Variants in PPP6C observed in about 807,000 individuals in gnomAD.
PPP6C encodes protein phosphatase 6 catalytic subunit.
Under a neutral mutation model 39.8 loss-of-function variants are expected in PPP6C, and 11 were observed. The ratio of observed to expected loss-of-function variants is 0.28; its 90% CI spans 0.17 to 0.46. PPP6C has a LOEUF of 0.46. Ranked by LOEUF, PPP6C falls within the 20% of genes least tolerant of loss-of-function variation. PPP6C has a pLI of 1.00. For synonymous variants in PPP6C, 129 were observed against 130.3 expected (o/e 0.99, Z 0.07); for missense variants, 211 against 373.9 (o/e 0.56, Z 3.59).
intron 1 of PPP6C, among the ~76,000 whole-genome samples, chr9:125,188,060 C>G (rs909136318): frequency 2.0e-5 from 3 of 150,976 alleles, no homozygotes; most frequent in African/African-American, 7.3e-5. Flanking sequence ...AGAAATAAAA[C>G]AAAACCCACA....
In PPP6C at chr9:125,187,863, C is replaced by T. The variant is rs147312556; in HGVS notation, c.75+1781G>A. On this transcript the variant is annotated intron_variant, in intron 1 of 6. Transcript: ENST00000373547. ...AGCACAAATGCTACATTACTACTAA[C>T]GAAGGCTGTCCTTATTTGAAATTAT... 6.8e-4 allele frequency among the ~76,000 whole-genome samples: 104 copies of T among 152,054 alleles called. 2 individuals are homozygous for T. Among genetic ancestry groups the T allele is most frequent in the African/African-American group, 2.3e-3 (95 of 41,336 alleles).
At chr9:125,166,891 TCA>T (rs1829026330) in intron 2 of PPP6C, among the ~76,000 whole-genome samples, 2 of 151,906 alleles carry the variant, frequency 1.3e-5, no homozygotes, top group Non-Finnish European at 2.9e-5. Context: ...TCCCATTTCA[TCA>T]CACAGACTTT....
Position 125,147,691 on chromosome 9 carries a change from AAAC to A in PPP6C, c.*1979_*1981del, listed in dbSNP as rs1835843552. The A allele has an allele frequency of 1.3e-5, 2 of 152,180 alleles. No homozygotes were observed. Among genetic ancestry groups the A allele is most frequent in the Non-Finnish European group, 2.9e-5 (2 of 68,012 alleles). The allele number at this position is 152,180 out of a possible 1,614,324, so 9.4% of individuals were successfully genotyped here. On this transcript the variant is annotated 3_prime_UTR_variant, in exon 7 of 7. Transcript: ENST00000373547. ...AAAAGTCACATTATAGGGATAACAA[AAAC>A]AACTACATCAATCTAAGCTAAGGAG...
Position 125,182,643 on chromosome 9 carries a change from T to C in PPP6C, c.75+7001A>G, listed in dbSNP as rs78283666. Among the ~76,000 whole-genome samples, 9 of 151,696 alleles carry C rather than the reference T, an allele frequency of 5.9e-5. No homozygotes were observed. The East Asian group carries it at 1.7e-3, about 29-fold the overall frequency. On this transcript the variant is annotated intron_variant, in intron 1 of 6. Transcript: ENST00000373547. The stretch of plus-strand genomic sequence containing the variant: ...TATGATCCAGAAGGTAGTATCTGTA[T>C]CCTCAGGCCAGATCAGAGTTTCTCA...
Position 125,153,514 on chromosome 9 carries a change from C to A in PPP6C, c.669+19G>T. ...CATTAGCAATCCACAAATTACATTTCCAAAAATGTTGGCTTTACCTCATTT... is the reference window on the plus strand; with the variant it reads ...CATTAGCAATCCACAAATTACATTTACAAAAATGTTGGCTTTACCTCATTT... On this transcript the variant is annotated intron_variant, in intron 6 of 6. Transcript: ENST00000373547. 6.2e-7 allele frequency: 1 copy of A among 1,609,688 alleles called. No homozygotes were observed. The highest frequency in any genetic ancestry group is 1.1e-5 in the South Asian group (1 of 90,666).
intron 2 of PPP6C, among the ~76,000 whole-genome samples, chr9:125,161,990 T>C (rs906670354): frequency 2.6e-5 from 4 of 152,040 alleles, no homozygotes; most frequent in African/African-American, 9.7e-5. Flanking sequence ...TTAATAGGAA[T>C]GTTAGTCAAA....
intron 2 of PPP6C, among the ~76,000 whole-genome samples, chr9:125,166,535 C>CTTTTT (rs1169190980): frequency 7.4e-6 from 1 of 134,468 alleles, no homozygotes; most frequent in African/African-American, 2.8e-5. Flanking sequence ...TTTTCTTTTT[C>CTTTTT]TTTTTTTTTT....
chr9:125,154,098 G>A, intron 4 of PPP6C, 113 bp from the exon 5 acceptor site: 1 of 790,828 alleles, frequency 1.3e-6, no homozygotes, highest in Non-Finnish European at 2.0e-6. Flanking sequence ...AACTAGGATA[G>A]CAAGATATGA....
chr9:125,186,323 G>A (rs1829529210), intron 1 of PPP6C, among the ~76,000 whole-genome samples: 1 of 151,972 alleles, frequency 6.6e-6, no homozygotes, highest in Admixed American at 6.6e-5. Flanking sequence ...ATACACCAGA[G>A]ATGAGCAACA....
At chr9:125,160,741 G>C (rs1324567329) in intron 3 of PPP6C, 100 bp downstream of exon 3, 2 of 817,052 alleles carry the variant, frequency 2.4e-6, no homozygotes, top group East Asian at 2.9e-5. Flanking sequence ...TACTGAAATA[G>C]GGACTGTCAC....
At chr9:125,173,429 A>G (rs1829219116) in intron 1 of PPP6C, among the ~76,000 whole-genome samples, 2 of 136,448 alleles carry the variant, frequency 1.5e-5, no homozygotes, top group South Asian at 4.8e-4. Context: ...AAAAAAAAAA[A>G]GTAGCCAGGC....
At chr9:125,182,297 T>C (rs923250192) in intron 1 of PPP6C, among the ~76,000 whole-genome samples, 5 of 152,150 alleles carry the variant, frequency 3.3e-5, no homozygotes, top group Admixed American at 2.0e-4. Context: ...TACTACTTCC[T>C]TTATCTACTT....
intron 6 of PPP6C, 69 bp downstream of exon 6, chr9:125,153,464 G>T: frequency 7.0e-7 from 1 of 1,435,134 alleles, no homozygotes. Flanking sequence ...TGTTATCTAG[G>T]GCCACCATAG....
chr9:125,180,995 A>G (rs946900738), intron 1 of PPP6C, among the ~76,000 whole-genome samples: 3 of 152,126 alleles, frequency 2.0e-5, no homozygotes, highest in Non-Finnish European at 4.4e-5. Context: ...GCTGCGTCCT[A>G]CGACTGCCAC....
intron 2 of PPP6C, among the ~76,000 whole-genome samples, chr9:125,164,962 C>A (rs1189379347): frequency 6.6e-6 from 1 of 152,104 alleles, no homozygotes; most frequent in East Asian, 1.9e-4. Context: ...TGGTCTTGAT[C>A]TCTTGACCTC....
chr9:125,158,220 C>T (rs1836128478), intron 4 of PPP6C, 21 bp downstream of exon 4: 2 of 1,577,900 alleles, frequency 1.3e-6, no homozygotes, highest in African/African-American at 1.4e-5. Flanking sequence ...TATTCAGAAT[C>T]AGAGAAATAG....
intron 4 of PPP6C, among the ~76,000 whole-genome samples, chr9:125,154,594 T>A (rs1407690125): frequency 6.6e-6 from 1 of 152,262 alleles, no homozygotes; most frequent in African/African-American, 2.4e-5. Context: ...AGTTAAATAC[T>A]AATTTCACAC....
intron 4 of PPP6C, among the ~76,000 whole-genome samples, chr9:125,156,565 C>T (rs1409595384): frequency 6.6e-6 from 1 of 152,180 alleles, no homozygotes; most frequent in Non-Finnish European, 1.5e-5. Flanking sequence ...AGCCACCACA[C>T]CTGGCCCAGC....
intron 1 of PPP6C, among the ~76,000 whole-genome samples, chr9:125,172,720 AACACACAC>A (rs72238242): frequency 0.024 from 3,545 of 144,774 alleles, 137 homozygotes; most frequent in African/African-American, 0.083. Flanking sequence ...AATACACACA[AACACACAC>A]ACACACACAC....
Sources: gnomAD v4.1 joint callset for allele counts (sites outside exome capture counted in the v4.1 genomes callset) on GRCh38, gnomAD v4.1.1 for gene constraint, MANE v1.5 for transcripts, NCBI Gene and HGNC (gene_info 2026-07-23, HGNC 2026-07-21) for gene names.